Variants in ARHGAP10 observed in about 807,000 individuals in gnomAD.
The protein encoded by ARHGAP10 is Rho GTPase activating protein 10, also known as rho GTPase-activating protein 10.
ARHGAP10 carries 87 observed loss-of-function variants against 108.6 expected under a neutral mutation model. That is an observed-to-expected ratio of 0.80 (90% confidence interval 0.67 to 0.96). The LOEUF (loss-of-function observed/expected upper bound fraction) is 0.96, where lower values mean the gene tolerates loss of function less well. ARHGAP10 is among the 40% of genes least tolerant of loss of function. The pLI is 0.00. For synonymous variants in ARHGAP10, 347 were observed against 341.1 expected, an observed-to-expected ratio of 1.02 and a Z score of -0.19; for missense variants, 939 against 954.5, an observed-to-expected ratio of 0.98 and a Z score of 0.21.
chr4:148,060,820 C>T (rs562788448), intron 20 of ARHGAP10, among the ~76,000 whole-genome samples: 9 of 152,086 alleles, frequency 5.9e-5, no homozygotes, highest in South Asian at 2.1e-4. Flanking sequence ...CTTGGTGAAC[C>T]GGTTAGTGCT....
chr4:147,982,546 C>CTTTTTTTTTTTTTTTTTT (rs753773443), intron 18 of ARHGAP10, among the ~76,000 whole-genome samples: 3 of 66,270 alleles, frequency 4.5e-5, no homozygotes, highest in African/African-American at 1.4e-4. Flanking sequence ...CCAGCTAAAT[C>CTTTTTTTTTTTTTTTTTT]TTTTTTTTTT....
At chr4:147,987,673 T>C (rs1324380396) in intron 18 of ARHGAP10, among the ~76,000 whole-genome samples, 2 of 152,144 alleles carry the variant, frequency 1.3e-5, no homozygotes, top group African/African-American at 2.4e-5. Flanking sequence ...GAATTAGGAT[T>C]TGGGGAGACT....
intron 19 of ARHGAP10, among the ~76,000 whole-genome samples, chr4:148,038,704 A>G (rs1472994999): frequency 6.6e-6 from 1 of 152,156 alleles, no homozygotes; most frequent in Non-Finnish European, 1.5e-5. Flanking sequence ...AAGATAGAAA[A>G]TGCAGGGTGA....
At chr4:147,820,617 G>A (rs1481678814) in intron 1 of ARHGAP10, among the ~76,000 whole-genome samples, 1 of 114,810 alleles carries the variant, frequency 8.7e-6, no homozygotes, top group Non-Finnish European at 1.7e-5. Context: ...TTTTGAGACA[G>A]GGTCTCCCTA....
chr4:147,898,914 A>G (rs1219726916), intron 10 of ARHGAP10, among the ~76,000 whole-genome samples: 1 of 152,206 alleles, frequency 6.6e-6, no homozygotes, highest in Non-Finnish European at 1.5e-5. Flanking sequence ...GGAGAGCAGC[A>G]CGGGGGAACC....
At chr4:147,940,758 TAGGAA>T (rs757882790) in intron 14 of ARHGAP10, among the ~76,000 whole-genome samples, 11 of 152,252 alleles carry the variant, frequency 7.2e-5, no homozygotes, top group Non-Finnish European at 1.6e-4. Context: ...GAGTCATTTT[TAGGAA>T]GCATGAGCCA....
chr4:148,018,677 T>C (rs1741444232), intron 18 of ARHGAP10, among the ~76,000 whole-genome samples: 1 of 152,210 alleles, frequency 6.6e-6, no homozygotes, highest in African/African-American at 2.4e-5. Context: ...GGTGAATTTA[T>C]GTAGCTATTC....
At position 147,744,555 on chromosome 4, in the gene ARHGAP10, G is replaced by A. The variant is rs143665456; in HGVS notation, c.154+12100G>A. Among the ~76,000 whole-genome samples, 100 of 152,236 alleles carry A rather than the reference G, an allele frequency of 6.6e-4. 2 individuals are homozygous for A. In the East Asian group the frequency reaches 0.013, roughly 20 times the overall value. ...GAATCGGAGGAAAGCAGGACTGGAG[G>A]TTGGGGGGTCAGTCATCCAGGCCAG... On this transcript the variant is annotated intron_variant, in intron 1 of 22. Transcript: ENST00000336498.
chr4:148,002,966 G>A (rs1740789056), intron 18 of ARHGAP10, among the ~76,000 whole-genome samples: 2 of 152,080 alleles, frequency 1.3e-5, no homozygotes, highest in South Asian at 4.1e-4. Context: ...GCTTTTGAAT[G>A]TGTTTGCTCT....
At chr4:147,982,743 G>A (rs887581266) in intron 18 of ARHGAP10, among the ~76,000 whole-genome samples, 2 of 151,448 alleles carry the variant, frequency 1.3e-5, no homozygotes, top group African/African-American at 2.4e-5. Context: ...AGCAAGATTG[G>A]GGAAATTTTC....
chr4:147,773,906 G>A (rs1346547533), intron 1 of ARHGAP10, among the ~76,000 whole-genome samples: 2 of 152,140 alleles, frequency 1.3e-5, no homozygotes, highest in African/African-American at 4.8e-5. Flanking sequence ...GTCAAGTGAA[G>A]CTTGAGATAT....
intron 1 of ARHGAP10, among the ~76,000 whole-genome samples, chr4:147,788,210 GC>G (rs1320270350): frequency 6.6e-6 from 1 of 152,200 alleles, no homozygotes; most frequent in East Asian, 1.9e-4. Context: ...ACTTTGGGAG[GC>G]CTAGGTGGAT....
chr4:147,770,617 A>G (rs149169313), intron 1 of ARHGAP10, among the ~76,000 whole-genome samples: 182 of 152,322 alleles, frequency 1.2e-3, no homozygotes, highest in South Asian at 0.011. Flanking sequence ...AAAAAAAGTA[A>G]TCAGTATATA....
At chr4:147,733,371 A>G (rs1728300665) in intron 1 of ARHGAP10, among the ~76,000 whole-genome samples, 1 of 151,856 alleles carries the variant, frequency 6.6e-6, no homozygotes. Context: ...CAGCCTGACC[A>G]TCCCTTGGAT....
chr4:147,879,554 A>AT (rs560261814), intron 9 of ARHGAP10, among the ~76,000 whole-genome samples: 71 of 147,018 alleles, frequency 4.8e-4, no homozygotes, highest in South Asian at 1.5e-3. Flanking sequence ...AAACCACTAG[A>AT]TTTTTTTTTT....
chr4:147,773,552 G>A (rs1055213750), intron 1 of ARHGAP10, among the ~76,000 whole-genome samples: 3 of 152,166 alleles, frequency 2.0e-5, no homozygotes, highest in African/African-American at 7.2e-5. Context: ...ATTGTATTCT[G>A]AGTTATAACA....
intron 19 of ARHGAP10, among the ~76,000 whole-genome samples, chr4:148,036,020 G>A (rs553534371): frequency 7.3e-5 from 11 of 151,318 alleles, no homozygotes; most frequent in South Asian, 2.1e-4. Context: ...TTAGTATTCC[G>A]TAACCTATCT....
At chr4:147,741,790 A>ACACG (rs1354548677) in intron 1 of ARHGAP10, among the ~76,000 whole-genome samples, 1 of 17,064 alleles carries the variant, frequency 5.9e-5, no homozygotes, top group Non-Finnish European at 1.6e-4. Flanking sequence ...ACACACACAC[A>ACACG]CGCACACACA....
intron 1 of ARHGAP10, among the ~76,000 whole-genome samples, chr4:147,781,131 G>A (rs1730513862): frequency 6.6e-6 from 1 of 152,080 alleles, no homozygotes; most frequent in Non-Finnish European, 1.5e-5. Flanking sequence ...GGCTGAGGCG[G>A]GCGGATCACG....
Sources: gnomAD v4.1 joint callset for allele counts (sites outside exome capture counted in the v4.1 genomes callset) on GRCh38, gnomAD v4.1.1 for gene constraint, MANE v1.5 for transcripts, NCBI Gene and HGNC (gene_info 2026-07-23, HGNC 2026-07-21) for gene names.